The following TBXA2R variants were observed in gnomAD, a reference collection of about 807,000 sequenced individuals.
TBXA2R encodes prostanoid TP receptor.
TBXA2R carries 15 observed loss-of-function variants against 15.6 expected under a neutral mutation model. The ratio of observed to expected loss-of-function variants is 0.96; its 90% CI spans 0.64 to 1.48. The LOEUF is 1.48. Ranked by LOEUF, TBXA2R falls within the 40% of genes most tolerant of loss-of-function variation. The probability of loss-of-function intolerance (pLI) is 0.00; values close to 1 mark genes in which losing one functional copy is unlikely to be tolerated. For missense variants in TBXA2R, 506 were observed against 491.4 expected (o/e 1.03, Z -0.28); for synonymous variants, 280 against 241.2 (o/e 1.16, Z -1.49).
chr19:3,603,161 C>T (rs1382669689), intron 1 of TBXA2R, among the ~76,000 whole-genome samples: 1 of 152,240 alleles, frequency 6.6e-6, no homozygotes, highest in Non-Finnish European at 1.5e-5. Context: ...TGTGGGGTCG[C>T]AGCAGCTAAC....
intron 1 of TBXA2R, 118 bp from the exon 2 acceptor site, chr19:3,600,835 T>TG (rs1038827436): frequency 6.5e-6 from 4 of 615,134 alleles, no homozygotes; most frequent in African/African-American, 5.8e-5. Flanking sequence ...GGTTTTTTTT[T>TG]TTTTTTTTTT....
chr19:3,600,943 C>T (rs1234301131), intron 1 of TBXA2R, among the ~76,000 whole-genome samples: 3 of 149,882 alleles, frequency 2.0e-5, no homozygotes, highest in African/African-American at 7.4e-5. Context: ...ATCCCCCCAT[C>T]TCAGCCTCCC....
chr19:3,600,876 T>C (rs1599873981), intron 1 of TBXA2R, among the ~76,000 whole-genome samples, 159 bp from the exon 2 acceptor site: 1 of 130,636 alleles, frequency 7.7e-6, no homozygotes. Flanking sequence ...TCACCCAGGC[T>C]GGAGTGCAGT....
chr19:3,594,710 C>T lies in TBXA2R; in HGVS notation c.*978G>A. On this transcript the variant is annotated 3_prime_UTR_variant, in exon 3 of 3. Transcript: ENST00000375190. ...CCCTCCCCATCCTTCCCAGCCCTGC[C>T]CTCGTCTGCTCCGGGTGAGGCCCAA... 1 of 775,054 alleles carries T rather than the reference C, an allele frequency of 1.3e-6. No individual in the cohort carries two copies. The highest frequency in any genetic ancestry group is 2.8e-5 in the East Asian group (1 of 35,234). 48.0% of individuals were successfully genotyped at this position (775,054 alleles called of 1,614,324 possible).
At chr19:3,605,138 C>T (rs777943351) in intron 1 of TBXA2R, among the ~76,000 whole-genome samples, 2 of 152,240 alleles carry the variant, frequency 1.3e-5, no homozygotes, top group Non-Finnish European at 2.9e-5. Flanking sequence ...GGCCCTAAGT[C>T]ACATGGCCCC....
chr19:3,604,300 A>C (rs990349428), intron 1 of TBXA2R, among the ~76,000 whole-genome samples: 1 of 152,104 alleles, frequency 6.6e-6, no homozygotes, highest in Non-Finnish European at 1.5e-5. Flanking sequence ...CTGACAGGGT[A>C]TCCGGCTTGC....
intron 1 of TBXA2R, among the ~76,000 whole-genome samples, chr19:3,603,764 C>G (rs2032780703): frequency 6.6e-6 from 1 of 152,192 alleles, no homozygotes; most frequent in Non-Finnish European, 1.5e-5. Flanking sequence ...CTTCTGGCCA[C>G]AGCTGGCTGT....
At position 3,600,550 on chromosome 19, in the gene TBXA2R, AGGGCGAGGC is replaced by A; in HGVS notation, c.76_84del (p.Ala26_Pro28del). The A allele has an allele frequency of 6.2e-7, 1 of 1,611,636 alleles. No homozygotes were observed. On this transcript the variant is annotated inframe_deletion, in exon 2 of 3. Transcript: ENST00000375190. ...ACCACGCAGAAGGAGGCGGCGAACC[AGGGCGAGGC>A]GATCAGCCGTCTCTCCTCCAGGGTA...
In TBXA2R at chr19:3,599,962, C is replaced by G. The variant is rs746714945; in HGVS notation, c.673G>C (p.Val225Leu). ...NTVSVATLCH[V>L]YHGQEAAQQR... The stretch of plus-strand genomic sequence containing the variant: ...TGGGCCGCCTCCTGCCCGTGGTAGA[C>G]GTGGCACAGGGTGGCCACGCTGACC... Residue 225 changes from valine to leucine, a missense_variant, in exon 2 of 3, where the codon GTC becomes CTC. Transcript: ENST00000375190. 1 of 1,585,150 alleles carries G rather than the reference C, an allele frequency of 6.3e-7. No individual in the cohort carries two copies. The highest frequency in any genetic ancestry group is 1.3e-5 in the African/African-American group (1 of 74,378).
intron 1 of TBXA2R, among the ~76,000 whole-genome samples, chr19:3,601,226 T>G (rs549988461): frequency 5.3e-4 from 80 of 152,068 alleles, no homozygotes; most frequent in African/African-American, 1.7e-3. Context: ...TCAGCCACAA[T>G]GCACAACAAA....
chr19:3,596,667 C>T (rs1435569710), intron 2 of TBXA2R, among the ~76,000 whole-genome samples: 6 of 150,894 alleles, frequency 4.0e-5, no homozygotes, highest in Non-Finnish European at 5.9e-5. Context: ...ACGGAGTCTC[C>T]GCCTCCTGGG....
In TBXA2R at chr19:3,594,751, G is replaced by A; in HGVS notation, c.*937C>T. 8.1e-7 allele frequency: 1 copy of A among 1,240,670 alleles called. No individual in the cohort carries two copies. Among genetic ancestry groups the A allele is most frequent in the Non-Finnish European group, 1.1e-6 (1 of 902,418 alleles). 76.9% of individuals were successfully genotyped at this position (1,240,670 alleles called of 1,614,324 possible). On this transcript the variant is annotated 3_prime_UTR_variant, in exon 3 of 3. Coordinates refer to ENST00000375190, the MANE Select transcript of TBXA2R (RefSeq NM_001060.6). ...TGAGGCCCAATGCACAAACTCCAGA[G>A]ATTGAAAACTTCTGGACCCAAAGGA... is the stretch of plus-strand genomic sequence containing the variant.
rs747968063 is a variant in TBXA2R, at chr19:3,595,671, G to A, written c.*17C>T. 5 of 1,564,842 alleles carry A rather than the reference G, an allele frequency of 3.2e-6. No homozygotes were observed. In the South Asian group the frequency reaches 5.9e-5, roughly 18 times the overall value. ...GGGCTCCGCGGAAAGGCGCGGGAGG[G>A]GCGCTCTGTCCACTTCCTACTGCAG... On this transcript the variant is annotated 3_prime_UTR_variant, in exon 3 of 3. Transcript: ENST00000375190.
chr19:3,598,373 CAG>C (rs1267632048), intron 2 of TBXA2R, among the ~76,000 whole-genome samples: 2 of 97,718 alleles, frequency 2.0e-5, no homozygotes, highest in Admixed American at 2.6e-4. Context: ...TTTTTTGAGA[CAG>C]AGTCTTGCTC....
intron 2 of TBXA2R, among the ~76,000 whole-genome samples, chr19:3,598,730 G>A (rs1358956869): frequency 6.6e-6 from 1 of 151,620 alleles, no homozygotes; most frequent in Non-Finnish European, 1.5e-5. Context: ...GTGCAGTGAC[G>A]TGATCTCGGC....
chr19:3,599,822 G>C, intron 2 of TBXA2R, 27 bp downstream of exon 2: 2 of 1,548,732 alleles, frequency 1.3e-6, no homozygotes, highest in South Asian at 2.4e-5. Context: ...CAGGAGGGTA[G>C]CAGGACCCCG....
rs1368208328 is a variant in TBXA2R, at chr19:3,606,545, C to T, written c.-99G>A. On this transcript the variant is annotated 5_prime_UTR_variant, in exon 1 of 3. Transcript: ENST00000375190. ...GCGACCTCACCTTCAGAGACCTCAT[C>T]TGCGGGGCTCCCACCTGGCTGGATC... 1.3e-5 allele frequency: 2 copies of T among 152,336 alleles called. No homozygotes were observed. Among genetic ancestry groups the T allele is most frequent in the African/African-American group, 4.8e-5 (2 of 41,470 alleles). 9.4% of individuals were successfully genotyped at this position (152,336 alleles called of 1,614,324 possible).
chr19:3,599,166 T>A (rs1423961416), intron 2 of TBXA2R, among the ~76,000 whole-genome samples: 8 of 152,048 alleles, frequency 5.3e-5, no homozygotes, highest in East Asian at 1.9e-4. Flanking sequence ...TCTTTTTTTT[T>A]AATTTGGAGG....
Position 3,600,333 on chromosome 19 carries a change from C to G in TBXA2R, c.302G>C (p.Gly101Ala). ...ALFEWHAVDPGCRLCRFMGVV... is the reference protein window; with the variant it reads ...ALFEWHAVDPACRLCRFMGVV... ...GCCCATGAAGCGACAGAGACGGCAG[C>G]CAGGGTCCACGGCGTGCCACTCGAA... The change falls in exon 2 of 3, where the codon GGC becomes GCC. Residue 101 changes from glycine (G) to alanine (A), a missense_variant. Coordinates refer to ENST00000375190, the MANE Select transcript of TBXA2R (RefSeq NM_001060.6). The G allele has an allele frequency of 6.2e-7, 1 of 1,613,224 alleles. No homozygotes were observed. Among genetic ancestry groups the G allele is most frequent in the Non-Finnish European group, 8.5e-7 (1 of 1,179,836 alleles).
Sources: gnomAD v4.1 joint callset for allele counts (sites outside exome capture counted in the v4.1 genomes callset) on GRCh38, gnomAD v4.1.1 for gene constraint, MANE v1.5 for transcripts, NCBI Gene and HGNC (gene_info 2026-07-23, HGNC 2026-07-21) for gene names.